SLC4A4: variants seen among roughly 807,000 people sequenced by gnomAD.
SLC4A4 encodes electrogenic sodium bicarbonate cotransporter 1.
SLC4A4 carries 27 observed loss-of-function variants against 111.5 expected under a neutral mutation model. That is an observed-to-expected ratio of 0.24 (90% CI 0.18 to 0.33). The LOEUF (loss-of-function observed/expected upper bound fraction) is 0.33, where lower values mean the gene tolerates loss of function less well. SLC4A4 is among the 10% of genes least tolerant of loss of function. SLC4A4 has a pLI of 1.00. For missense variants in SLC4A4, 909 were observed against 1,315.5 expected, an observed-to-expected ratio of 0.69 and a Z score of 4.78; for synonymous variants, 443 against 463.4, an observed-to-expected ratio of 0.96 and a Z score of 0.57.
chr4:71,347,392 A>G (rs1409298426), intron 4 of SLC4A4, among the ~76,000 whole-genome samples: 4 of 152,262 alleles, frequency 2.6e-5, no homozygotes, highest in African/African-American at 4.8e-5. Flanking sequence ...TTTAGTTCTT[A>G]TAGTTCTGGA....
chr4:71,226,630 A>G (rs1242187945), intron 1 of SLC4A4, among the ~76,000 whole-genome samples: 2 of 152,144 alleles, frequency 1.3e-5, no homozygotes, highest in Admixed American at 6.6e-5. Flanking sequence ...TAGCACAGCC[A>G]TTTTCCCCCC....
chr4:71,346,167 A>G (rs1404174657), intron 4 of SLC4A4, among the ~76,000 whole-genome samples: 1 of 152,094 alleles, frequency 6.6e-6, no homozygotes, highest in East Asian at 1.9e-4. Flanking sequence ...TTCTTCAACA[A>G]ACGAATGAAA....
chr4:71,097,787 CT>C (rs34345628), intron 2 of SLC4A4, among the ~76,000 whole-genome samples: 9 of 152,142 alleles, frequency 5.9e-5, no homozygotes, highest in Admixed American at 5.9e-4. Flanking sequence ...TGACATAGAG[CT>C]TTTTTTCATA....
chr4:71,282,808 C>G (rs1723628950), intron 3 of SLC4A4, among the ~76,000 whole-genome samples: 1 of 150,984 alleles, frequency 6.6e-6, no homozygotes, highest in South Asian at 2.1e-4. Context: ...AACTTCTGGG[C>G]TCAAGCGATC....
chr4:71,442,825 C>G (rs1207371719), intron 8 of SLC4A4, among the ~76,000 whole-genome samples: 1 of 151,880 alleles, frequency 6.6e-6, no homozygotes, highest in African/African-American at 2.4e-5. Context: ...CTAGCAGCTC[C>G]CATTTCTTGT....
chr4:71,228,290 G>A (rs1719178835), intron 1 of SLC4A4, among the ~76,000 whole-genome samples: 1 of 152,172 alleles, frequency 6.6e-6, no homozygotes, highest in Non-Finnish European at 1.5e-5. Flanking sequence ...GCATGGAGAA[G>A]ATGGAAAGGG....
At chr4:71,259,040 G>A in intron 3 of SLC4A4, among the ~76,000 whole-genome samples, 1 of 152,252 alleles carries the variant, frequency 6.6e-6, no homozygotes, top group East Asian at 1.9e-4. Flanking sequence ...GAGGTGGGAG[G>A]ATCATCAGAG....
rs750760673 is a variant in SLC4A4, at chr4:71,497,558, G to A, written c.2032G>A (p.Gly678Arg). 44 of 1,613,288 alleles carry A rather than the reference G, an allele frequency of 2.7e-5. No individual in the cohort carries two copies. Among genetic ancestry groups the A allele is most frequent in the Admixed American group, 1.0e-4 (6 of 59,854 alleles). The change falls in exon 16 of 26, where the codon GGA (glycine) becomes AGA (arginine). Residue 678 changes from glycine to arginine, a missense_variant. By Grantham distance (125) the Gly-to-Arg change is moderately radical (BLOSUM62 -2). Coordinates refer to ENST00000264485, the MANE Select transcript of SLC4A4 (RefSeq NM_001098484.3). ...FLSKKECSKY[G>R]GNLVGNNCNF... is the part of the protein sequence containing the mutation. ...GTCGAAGAAGGAGTGTTCAAAATAC[G>A]GAGGAAACCTCGTCGGGAACAACTG...
rs1413831108 is a variant in SLC4A4, at chr4:71,114,955, G to A, written c.-2+22163G>A. ...CCAACCCAAATGTCCAACAATGATA[G>A]ACTGGATTAAGAAAATGTGGCACAT... On this transcript the variant is annotated intron_variant, in intron 2 of 26. Coordinates refer to the SLC4A4 transcript ENST00000649996. 7.4e-3 allele frequency among the ~76,000 whole-genome samples: 918 copies of A among 123,282 alleles called. 7 individuals carry two copies. Among genetic ancestry groups the A allele is most frequent in the African/African-American group, 0.028 (853 of 30,120 alleles). 80.9% of individuals were successfully genotyped at this position (123,282 alleles called of 152,430 possible). A position where few individuals can be genotyped will look rare whatever the true frequency, so the allele number is the denominator to read the frequency against.
At chr4:71,520,491 G>A (rs1732829070) in intron 16 of SLC4A4, among the ~76,000 whole-genome samples, 1 of 152,192 alleles carries the variant, frequency 6.6e-6, no homozygotes, top group Non-Finnish European at 1.5e-5. Context: ...AGGACCTGTA[G>A]ATTCTAGTGC....
At chr4:71,322,481 A>G (rs1054636616) in intron 3 of SLC4A4, among the ~76,000 whole-genome samples, 1 of 152,062 alleles carries the variant, frequency 6.6e-6, no homozygotes, top group African/African-American at 2.4e-5. Context: ...TATAGCAAAT[A>G]GTTGCACTCG....
At chr4:71,481,113 C>G (rs1728839115) in intron 14 of SLC4A4, among the ~76,000 whole-genome samples, 3 of 151,666 alleles carry the variant, frequency 2.0e-5, no homozygotes, top group Non-Finnish European at 4.4e-5. Context: ...AAATGAGGAA[C>G]ATGTGGTCAA....
intron 1 of SLC4A4, among the ~76,000 whole-genome samples, chr4:71,073,077 T>C (rs1435393251): frequency 6.6e-6 from 1 of 152,118 alleles, no homozygotes; most frequent in African/African-American, 2.4e-5. Context: ...TTCCTTTGGA[T>C]TTTTAAACTG....
At chr4:71,518,147 G>C (rs1199631254) in intron 16 of SLC4A4, among the ~76,000 whole-genome samples, 2 of 152,068 alleles carry the variant, frequency 1.3e-5, no homozygotes, top group Non-Finnish European at 2.9e-5. Flanking sequence ...GATCATAGAG[G>C]CTGGCCTAAT....
At chr4:71,309,700 G>A (rs980729645) in intron 3 of SLC4A4, among the ~76,000 whole-genome samples, 3 of 152,088 alleles carry the variant, frequency 2.0e-5, no homozygotes, top group Admixed American at 6.6e-5. Context: ...AGGATCAAAG[G>A]CAGATAAATC....
intron 20 of SLC4A4, among the ~76,000 whole-genome samples, chr4:71,554,643 T>C (rs1043892286): frequency 6.6e-6 from 1 of 151,808 alleles, no homozygotes; most frequent in Non-Finnish European, 1.5e-5. Flanking sequence ...CTTTTGATGT[T>C]TATTTTATTG....
intron 2 of SLC4A4, among the ~76,000 whole-genome samples, chr4:71,171,995 T>A (rs953916083): frequency 6.6e-6 from 1 of 152,216 alleles, no homozygotes; most frequent in Non-Finnish European, 1.5e-5. Context: ...CTCTTATTCT[T>A]TTTCCCTTAT....
At chr4:71,132,675 GGT>G (rs1743738831) in intron 2 of SLC4A4, among the ~76,000 whole-genome samples, 2 of 152,156 alleles carry the variant, frequency 1.3e-5, no homozygotes, top group South Asian at 4.1e-4. Context: ...CCTGCTTACT[GGT>G]ATTGCATAGT....
intron 4 of SLC4A4, among the ~76,000 whole-genome samples, chr4:71,347,016 G>A (rs1729386949): frequency 1.3e-5 from 2 of 152,012 alleles, no homozygotes; most frequent in Non-Finnish European, 2.9e-5. Context: ...TAAGAAACTG[G>A]CTAGTTTTGA....
Sources: gnomAD v4.1 joint callset for allele counts (sites outside exome capture counted in the v4.1 genomes callset) on GRCh38, gnomAD v4.1.1 for gene constraint, MANE v1.5 for transcripts, NCBI Gene and HGNC (gene_info 2026-07-23, HGNC 2026-07-21) for gene names.